The following ADGRB3 variants were observed in gnomAD, a reference collection of about 807,000 sequenced individuals.
ADGRB3 encodes the protein brain-specific angiogenesis inhibitor 3.
ADGRB3 carries 37 observed loss-of-function variants against 193.4 expected under a neutral mutation model. The ratio of observed to expected loss-of-function variants is 0.19; its 90% confidence interval spans 0.15 to 0.25. The LOEUF (loss-of-function observed/expected upper bound fraction) is 0.25, where lower values mean the gene tolerates loss of function less well. Among genes scored for constraint, ADGRB3 ranks in the 10% least tolerant of loss-of-function variants. ADGRB3 has a pLI of 1.00. For missense variants in ADGRB3, 1,637 were observed against 1,852.9 expected (o/e 0.88, Z 2.14); for synonymous variants, 690 against 644.2 (o/e 1.07, Z -1.08).
At chr6:68,958,663 A>T (rs1768145151) in intron 8 of ADGRB3, among the ~76,000 whole-genome samples, 1 of 152,142 alleles carries the variant, frequency 6.6e-6, no homozygotes, top group South Asian at 2.1e-4. Context: ...AGGTTAAAAA[A>T]ATATCACATA....
intron 17 of ADGRB3, among the ~76,000 whole-genome samples, chr6:69,174,063 T>A (rs1278166643): frequency 1.4e-3 from 1 of 698 alleles, no homozygotes; most frequent in Non-Finnish European, 2.6e-3. Context: ...AAATTACTCA[T>A]GTACTTTTTT....
At chr6:69,373,095 A>C (rs1411829714) in intron 30 of ADGRB3, among the ~76,000 whole-genome samples, 1 of 152,038 alleles carries the variant, frequency 6.6e-6, no homozygotes, top group Non-Finnish European at 1.5e-5. Context: ...GGTTATGCTA[A>C]ATACAAAATT....
chr6:68,788,978 C>T lies in ADGRB3; in HGVS notation c.758-141581C>T, dbSNP rs183026280. On this transcript the variant is annotated intron_variant, in intron 3 of 31. Transcript: ENST00000370598. ...TTTAGCAGAGACTGGGATTGCAAAC[C>T]CTGCCTTTTTTTGTTTTCCATTTGC... Among the ~76,000 whole-genome samples the T allele has an allele frequency of 5.0e-3, 754 of 152,196 alleles. 1 individual carries two copies. The highest frequency in any genetic ancestry group is 7.2e-3 in the Non-Finnish European group (493 of 68,018).
At position 69,319,240 on chromosome 6, in the gene ADGRB3, TTTAA is replaced by T. The variant is rs1248751999; in HGVS notation, c.2815-5629_2815-5626del. Among the ~76,000 whole-genome samples the T allele has an allele frequency of 2.6e-5, 4 of 151,302 alleles. No individual in the cohort carries two copies. In the Admixed American group the frequency reaches 2.6e-4, roughly 10 times the overall value. ...TTATAATTTAGAGTTTTAGTTTCTCTTTAATTGATTATTTAAAAGCTTTTTCCTC... is the reference window on the plus strand; with the variant it reads ...TTATAATTTAGAGTTTTAGTTTCTCTTTGATTATTTAAAAGCTTTTTCCTC... On this transcript the variant is annotated intron_variant, in intron 20 of 31. Coordinates refer to ENST00000370598, the MANE Select transcript of ADGRB3 (RefSeq NM_001704.3).
intron 17 of ADGRB3, among the ~76,000 whole-genome samples, chr6:69,134,136 A>G (rs1233353831): frequency 1.3e-5 from 2 of 152,082 alleles, no homozygotes; most frequent in African/African-American, 2.4e-5. Context: ...GAATTGCAGC[A>G]CAAGGATTTA....
rs190490933 is a variant in ADGRB3 at position 68,769,548 on chromosome 6, G to A, written c.757+130116G>A. 1.4e-3 allele frequency among the ~76,000 whole-genome samples: 206 copies of A among 152,168 alleles called. 2 individuals are homozygous for A. The highest frequency in any genetic ancestry group is 4.6e-3 in the African/African-American group (189 of 41,516). ...CACTGGAGCCTGTTGGAGGTTGGGG[G>A]GTTAGGGGAGGGATAACATTAGGAG... On this transcript the variant is annotated intron_variant, in intron 3 of 31. Transcript: ENST00000370598.
intron 13 of ADGRB3, among the ~76,000 whole-genome samples, chr6:69,023,503 G>C (rs771778378): frequency 6.6e-6 from 1 of 152,064 alleles, no homozygotes; most frequent in African/African-American, 2.4e-5. Context: ...ATATAGAGAT[G>C]TCAAAGTTGA....
intron 20 of ADGRB3, among the ~76,000 whole-genome samples, chr6:69,274,623 C>G (rs149562176): frequency 7.7e-6 from 1 of 130,316 alleles, no homozygotes; most frequent in African/African-American, 3.0e-5. Flanking sequence ...CCCTCCCTCC[C>G]TTCCTTCCTT....
chr6:69,373,258 T>C (rs1769743536), intron 30 of ADGRB3, among the ~76,000 whole-genome samples: 4 of 152,038 alleles, frequency 2.6e-5, no homozygotes, highest in South Asian at 2.1e-4. Context: ...ATACTCTTAA[T>C]TGATACTCCT....
rs1258703462 is a variant in ADGRB3, at chr6:69,136,319, G to A, written c.2480+60281G>A. Among the ~76,000 whole-genome samples the A allele has an allele frequency of 2.6e-5, 4 of 152,112 alleles. No individual in the cohort carries two copies. The East Asian group carries it at 5.8e-4, about 22-fold the overall frequency. ...GGCACCAAAAAATAATTTCTGAGAAGCACAGTTATAATCCATGATGATAAC... is the reference window on the plus strand; with the variant it reads ...GGCACCAAAAAATAATTTCTGAGAAACACAGTTATAATCCATGATGATAAC... On this transcript the variant is annotated intron_variant, in intron 17 of 31. Coordinates refer to ENST00000370598, the MANE Select transcript of ADGRB3 (RefSeq NM_001704.3).
intron 3 of ADGRB3, among the ~76,000 whole-genome samples, chr6:68,850,864 A>G (rs1354267784): frequency 6.6e-6 from 1 of 152,128 alleles, no homozygotes; most frequent in African/African-American, 2.4e-5. Context: ...TGAATTATAT[A>G]TTGTTACATA....
At chr6:69,373,291 A>G (rs1032306266) in intron 30 of ADGRB3, among the ~76,000 whole-genome samples, 5 of 152,050 alleles carry the variant, frequency 3.3e-5, no homozygotes, top group African/African-American at 1.2e-4. Context: ...GCCTCCCAGA[A>G]CGTGCTAACT....
intron 3 of ADGRB3, among the ~76,000 whole-genome samples, chr6:68,677,439 C>G (rs1181035786): frequency 6.6e-6 from 1 of 151,912 alleles, no homozygotes; most frequent in Non-Finnish European, 1.5e-5. Flanking sequence ...TTTCTTTCCC[C>G]CAACTTGAAT....
At chr6:68,648,461 TGAG>T (rs1409850506) in intron 3 of ADGRB3, among the ~76,000 whole-genome samples, 5 of 142,200 alleles carry the variant, frequency 3.5e-5, no homozygotes, top group Admixed American at 3.5e-4. Context: ...TTGGGGAGTG[TGAG>T]TTTTTTTGTT....
In ADGRB3 at chr6:69,357,974, G is replaced by C. The variant is rs139722165; in HGVS notation, c.3595+2114G>C. On this transcript the variant is annotated intron_variant, in intron 28 of 31. Coordinates refer to ENST00000370598, the MANE Select transcript of ADGRB3 (RefSeq NM_001704.3). ...GCCAATTTCCACATCTATGTTCCAA[G>C]ATGGAATGTGATTTGTCCGGGTTTA... Among the ~76,000 whole-genome samples the C allele has an allele frequency of 5.9e-5, 9 of 152,052 alleles. No homozygotes were observed. The East Asian group carries it at 1.5e-3, about 26-fold the overall frequency.
At chr6:69,309,475 G>A (rs1768135816) in intron 20 of ADGRB3, among the ~76,000 whole-genome samples, 2 of 151,696 alleles carry the variant, frequency 1.3e-5, no homozygotes, top group African/African-American at 4.8e-5. Context: ...CATGCATTGA[G>A]AGGCTGTAAT....
intron 20 of ADGRB3, among the ~76,000 whole-genome samples, chr6:69,292,585 A>G (rs1767711857): frequency 6.6e-6 from 1 of 152,098 alleles, no homozygotes; most frequent in South Asian, 2.1e-4. Flanking sequence ...GCTCCAGGTC[A>G]TAGGAAACTA....
At chr6:68,678,548 C>G (rs1378785993) in intron 3 of ADGRB3, among the ~76,000 whole-genome samples, 1 of 152,082 alleles carries the variant, frequency 6.6e-6, no homozygotes, top group Non-Finnish European at 1.5e-5. Context: ...GAATGAAAAA[C>G]TGTGAGGGGT....
intron 3 of ADGRB3, among the ~76,000 whole-genome samples, chr6:68,709,512 G>A (rs781370522): frequency 4.6e-5 from 7 of 152,120 alleles, no homozygotes; most frequent in African/African-American, 2.4e-5. Flanking sequence ...TTTGCCAGAG[G>A]AATCAGGGGG....
Sources: allele counts gnomAD v4.1 joint callset (sites outside exome capture counted in the v4.1 genomes callset), GRCh38; gene constraint gnomAD v4.1.1; transcripts MANE v1.5; gene names NCBI Gene and HGNC (gene_info 2026-07-23, HGNC 2026-07-21).